The following ME3 variants were observed in gnomAD, a reference collection of about 807,000 sequenced individuals.
The protein encoded by ME3 is NADP-dependent malic enzyme, mitochondrial.
In ME3, 48 loss-of-function variants were observed where a neutral mutation model predicts 68.9. The observed-to-expected ratio is 0.70, with a 90% CI of 0.55 to 0.89. The LOEUF (loss-of-function observed/expected upper bound fraction) is 0.89. Among genes scored for constraint, ME3 ranks in the 40% least tolerant of loss-of-function variants. ME3 has a pLI of 0.00. For synonymous variants in ME3, 320 were observed against 318.8 expected (o/e 1.00, Z -0.04); for missense variants, 675 against 797.4 (o/e 0.85, Z 1.85).
At chr11:86,577,078 G>A (rs560822389) in intron 2 of ME3, among the ~76,000 whole-genome samples, 13 of 152,186 alleles carry the variant, frequency 8.5e-5, no homozygotes, top group African/African-American at 3.1e-4. Context: ...CTTTGGGCAG[G>A]ATTTCCCCCT....
intron 2 of ME3, among the ~76,000 whole-genome samples, chr11:86,578,199 T>A (rs1958227901): frequency 6.6e-6 from 1 of 152,208 alleles, no homozygotes; most frequent in South Asian, 2.1e-4. Context: ...CCCAAGAGAC[T>A]ATTATTTAAA....
chr11:86,624,120 G>A (rs555960803), intron 2 of ME3, among the ~76,000 whole-genome samples: 1 of 152,228 alleles, frequency 6.6e-6, no homozygotes, highest in African/African-American at 2.4e-5. Context: ...GGAGCTGTGG[G>A]GCAGCCATGT....
At chr11:86,599,314 C>G (rs558517228) in intron 2 of ME3, among the ~76,000 whole-genome samples, 24 of 152,292 alleles carry the variant, frequency 1.6e-4, no homozygotes, top group African/African-American at 5.3e-4. Context: ...GCAGAAGCCT[C>G]TGGAGCCGAT....
chr11:86,446,776 G>A, intron 12 of ME3: 1 of 588,968 alleles, frequency 1.7e-6, no homozygotes, highest in Non-Finnish European at 3.0e-6. Flanking sequence ...ATGTGGCCTA[G>A]AGTCTACAAG....
intron 4 of ME3, among the ~76,000 whole-genome samples, chr11:86,552,213 A>C (rs576553696): frequency 6.6e-6 from 1 of 151,954 alleles, no homozygotes; most frequent in Admixed American, 6.5e-5. Context: ...ACACATGAGG[A>C]GGCTGAGGAG....
intron 8 of ME3, chr11:86,457,424 C>T (rs1949999827): frequency 7.8e-6 from 7 of 891,988 alleles, no homozygotes; most frequent in Non-Finnish European, 9.6e-6. Context: ...AGTTCTCAGC[C>T]TTCTTCTTTC....
At chr11:86,624,681 G>A (rs1005333697) in intron 2 of ME3, among the ~76,000 whole-genome samples, 2 of 152,200 alleles carry the variant, frequency 1.3e-5, no homozygotes, top group African/African-American at 4.8e-5. Flanking sequence ...TGGTTAATAG[G>A]TAAACTGAAT....
At chr11:86,614,929 A>G (rs1392893906) in intron 2 of ME3, among the ~76,000 whole-genome samples, 1 of 152,236 alleles carries the variant, frequency 6.6e-6, no homozygotes, top group Non-Finnish European at 1.5e-5. Context: ...TTTTGATAAA[A>G]TGTACTAAAT....
At chr11:86,586,600 A>T (rs1480236810) in intron 2 of ME3, among the ~76,000 whole-genome samples, 3 of 152,216 alleles carry the variant, frequency 2.0e-5, no homozygotes, top group Admixed American at 6.5e-5. Context: ...CAAAGTCCTC[A>T]ATAATTGAAA....
intron 4 of ME3, among the ~76,000 whole-genome samples, chr11:86,537,592 A>G (rs1029871597): frequency 7.2e-5 from 11 of 152,320 alleles, no homozygotes; most frequent in African/African-American, 2.2e-4. Context: ...CTACTAGGAA[A>G]GGCAAAGCTG....
intron 4 of ME3, among the ~76,000 whole-genome samples, chr11:86,516,983 G>T (rs1173495938): frequency 2.6e-5 from 4 of 152,142 alleles, no homozygotes; most frequent in African/African-American, 7.2e-5. Context: ...AACAAAAATT[G>T]CACGGAGTAC....
chr11:86,509,756 C>G (rs1163413217), intron 4 of ME3, among the ~76,000 whole-genome samples: 18 of 102,426 alleles, frequency 1.8e-4, no homozygotes, highest in South Asian at 3.4e-4. Flanking sequence ...GGGGGATTGG[C>G]AAAAAAAAAA....
chr11:86,672,000 C>T (rs1216774455), intron 1 of ME3, 42 bp from the exon 2 acceptor site: 2 of 1,332,914 alleles, frequency 1.5e-6, no homozygotes, highest in African/African-American at 1.6e-5. Flanking sequence ...TCCTTCCAGC[C>T]AGCCAGGACC....
chr11:86,545,851 G>T (rs1956329399), intron 4 of ME3, among the ~76,000 whole-genome samples: 1 of 152,172 alleles, frequency 6.6e-6, no homozygotes, highest in Non-Finnish European at 1.5e-5. Context: ...AGCCCATATA[G>T]CCAAGACAAT....
chr11:86,457,808 C>T, intron 8 of ME3: 3 of 1,256,118 alleles, frequency 2.4e-6, no homozygotes, highest in Middle Eastern at 2.2e-4. Flanking sequence ...AGGGAGATTT[C>T]CATAATTACA....
intron 2 of ME3, among the ~76,000 whole-genome samples, chr11:86,598,375 A>G (rs554244557): frequency 6.6e-6 from 1 of 152,334 alleles, no homozygotes; most frequent in East Asian, 1.9e-4. Context: ...ATCAAACTGC[A>G]AGGCAGCAGC....
chr11:86,598,998 G>A (rs746932924), intron 2 of ME3, among the ~76,000 whole-genome samples: 1 of 152,104 alleles, frequency 6.6e-6, no homozygotes, highest in African/African-American at 2.4e-5. Flanking sequence ...ACAAAGATGG[G>A]GAAAAAACAG....
chr11:86,507,842 A>T (rs545377585), intron 5 of ME3, among the ~76,000 whole-genome samples: 72 of 152,068 alleles, frequency 4.7e-4, no homozygotes, highest in Non-Finnish European at 8.8e-4. Flanking sequence ...AAAATTACCC[A>T]GGCATAGTGG....
chr11:86,609,051 C>G (rs1244058236), intron 2 of ME3, among the ~76,000 whole-genome samples: 1 of 152,140 alleles, frequency 6.6e-6, no homozygotes, highest in African/African-American at 2.4e-5. Flanking sequence ...TAGATAGATT[C>G]TATAGTTAGC....
Sources: allele counts gnomAD v4.1 joint callset (sites outside exome capture counted in the v4.1 genomes callset), GRCh38; gene constraint gnomAD v4.1.1; transcripts MANE v1.5; gene names NCBI Gene and HGNC (gene_info 2026-07-23, HGNC 2026-07-21).